HDLBP: variants seen among roughly 807,000 people sequenced by gnomAD.
HDLBP encodes high density lipoprotein binding protein.
Under a neutral mutation model 137.3 loss-of-function variants are expected in HDLBP, and 30 were observed. The observed-to-expected ratio is 0.22, with a 90% CI of 0.16 to 0.30. HDLBP has a LOEUF of 0.30. Ranked by LOEUF, HDLBP falls within the 10% of genes least tolerant of loss-of-function variation. The pLI is 1.00. For missense variants in HDLBP, 1,119 were observed against 1,667.3 expected (o/e 0.67, Z 5.73); for synonymous variants, 606 against 596.0 (o/e 1.02, Z -0.24).
chr2:241,253,577 C>A, intron 9 of HDLBP, 80 bp from the exon 10 acceptor site: 3 of 947,158 alleles, frequency 3.2e-6, no homozygotes, highest in Non-Finnish European at 1.7e-6. Context: ...GAGCTCTCTT[C>A]GGAGCGGCTT....
Position 241,310,080 on chromosome 2 carries a change from C to T in HDLBP, c.-103+5490G>A, listed in dbSNP as rs1357117000. Among the ~76,000 whole-genome samples the T allele has an allele frequency of 2.6e-5, 4 of 152,102 alleles. No individual in the cohort carries two copies. In the East Asian group the frequency reaches 7.7e-4, roughly 29 times the overall value. On this transcript the variant is annotated intron_variant, in intron 1 of 27. Coordinates refer to ENST00000310931, the MANE Select transcript of HDLBP (RefSeq NM_005336.6). ...AAAACCCACAACAAACCAGAGCAGC[C>T]TCAATAGTGACTTAAGGAAAAAGAA...
In HDLBP at chr2:241,229,879, C is replaced by A; in HGVS notation, c.3674G>T (p.Gly1225Val). The change falls in exon 27 of 28, where the codon GGC becomes GTC. Residue 1225 changes from glycine (G) to valine (V), a missense_variant. By Grantham distance (109) the Gly-to-Val change is moderately radical. Coordinates refer to ENST00000310931, the MANE Select transcript of HDLBP (RefSeq NM_005336.6). The stretch of plus-strand genomic sequence containing the variant: ...CCAGGGTGCGTCCCGCACCACAAAG[C>A]CTCTGGAAGGTGCCTTGGCCTCTTC... Reference protein sequence around the residue: ...AHEEAKAPSRGFVVRDAPWTA... With the variant: ...AHEEAKAPSRVFVVRDAPWTA... 1 of 1,589,560 alleles carries A rather than the reference C, an allele frequency of 6.3e-7. No individual in the cohort carries two copies.
At chr2:241,289,699 A>G (rs532168235) in intron 1 of HDLBP, among the ~76,000 whole-genome samples, 17 of 152,330 alleles carry the variant, frequency 1.1e-4, no homozygotes, top group Middle Eastern at 3.4e-3. Context: ...AAAGGCATCC[A>G]AGGACAGGAA....
intron 16 of HDLBP, chr2:241,243,470 A>G (rs1559493367): frequency 6.6e-6 from 1 of 152,608 alleles, no homozygotes; most frequent in Non-Finnish European, 1.5e-5. Flanking sequence ...CTTTTAGCTC[A>G]GTTGGAGCCT....
chr2:241,293,350 C>T (rs1204950169), intron 1 of HDLBP, among the ~76,000 whole-genome samples: 3 of 152,062 alleles, frequency 2.0e-5, no homozygotes, highest in African/African-American at 7.2e-5. Flanking sequence ...ATAAGAAAAG[C>T]CATGCATGAT....
At chr2:241,279,948 A>G (rs1481589926) in intron 1 of HDLBP, 5 of 985,332 alleles carry the variant, frequency 5.1e-6, no homozygotes, top group Admixed American at 6.1e-5. Flanking sequence ...ATCACCTGAC[A>G]GGAACCCGCT....
At chr2:241,257,728 T>C (rs182738855) in intron 5 of HDLBP, among the ~76,000 whole-genome samples, 3 of 152,240 alleles carry the variant, frequency 2.0e-5, no homozygotes, top group Non-Finnish European at 2.9e-5. Flanking sequence ...CAGTTGATTA[T>C]AAAGGTTGTA....
Position 241,263,574 on chromosome 2 carries a change from T to G in HDLBP, c.235-648A>C, listed in dbSNP as rs6747092. ...ACATTTAACAAAACCATTAACAAGA[T>G]AGCAGACAGGTGAAAATGGAAGGAT... On this transcript the variant is annotated intron_variant, in intron 4 of 27. Transcript: ENST00000310931. 7.2e-5 allele frequency among the ~76,000 whole-genome samples: 11 copies of G among 152,180 alleles called. 1 individual carries two copies. The highest frequency in any genetic ancestry group is 2.2e-4 in the African/African-American group (9 of 41,506).
chr2:241,311,808 A>G (rs918954507), intron 1 of HDLBP, among the ~76,000 whole-genome samples: 1 of 152,240 alleles, frequency 6.6e-6, no homozygotes, highest in African/African-American at 2.4e-5. Context: ...TAAACAATCA[A>G]TACTGAACTA....
At chr2:241,309,414 ATTT>A (rs1261686096) in intron 1 of HDLBP, among the ~76,000 whole-genome samples, 1 of 152,126 alleles carries the variant, frequency 6.6e-6, no homozygotes, top group East Asian at 1.9e-4. Context: ...ATAGTAAACG[ATTT>A]TTTCTTTTTT....
At chr2:241,296,236 A>G (rs62186408) in intron 1 of HDLBP, among the ~76,000 whole-genome samples, 48,291 of 152,072 alleles carry the variant, frequency 0.32, 8,407 homozygotes, top group East Asian at 0.51. Context: ...GTACCTGTGA[A>G]TTTATTATTT....
chr2:241,238,924 C>A lies in HDLBP; in HGVS notation c.2611-137G>T. ...CACAGATGCTCCCCTTCTCCCGAGT[C>A]CAGGGCTCCAGGCGCAGGGAGGAGG... On this transcript the variant is annotated intron_variant, in intron 19 of 27. Transcript: ENST00000310931. The surrounding 1 kb of genome is among the most constrained non-coding windows in gnomAD (Gnocchi z 4.9). 1 of 632,492 alleles carries A rather than the reference C, an allele frequency of 1.6e-6. No homozygotes were observed. The highest frequency in any genetic ancestry group is 2.9e-5 in the Admixed American group (1 of 34,540). 39.2% of individuals were successfully genotyped at this position (632,492 alleles called of 1,614,324 possible).
intron 1 of HDLBP, among the ~76,000 whole-genome samples, chr2:241,313,735 C>T (rs1466434894): frequency 2.6e-5 from 4 of 152,142 alleles, no homozygotes; most frequent in Non-Finnish European, 5.9e-5. Flanking sequence ...TGGAAAAATA[C>T]GTATTTACTC....
chr2:241,295,245 C>T (rs1448231418), intron 1 of HDLBP, among the ~76,000 whole-genome samples: 1 of 151,952 alleles, frequency 6.6e-6, no homozygotes, highest in East Asian at 1.9e-4. Context: ...CAATATTTCC[C>T]CAAAGTAACA....
chr2:241,233,778 C>A lies in HDLBP; in HGVS notation c.3288+42G>T, dbSNP rs201229744. On this transcript the variant is annotated intron_variant, in intron 24 of 27. Transcript: ENST00000310931. This position sits in a 1 kb window ranked among gnomAD's most constrained non-coding sequence, Gnocchi z 4.3. Reference sequence around the variant, plus strand: ...GCTCCCAAGTCACAGGAAAGGTCAACAAGCACCTCTGCCCCCGACACGCTC... The same window carrying A: ...GCTCCCAAGTCACAGGAAAGGTCAAAAAGCACCTCTGCCCCCGACACGCTC... The A allele has an allele frequency of 6.2e-7, 1 of 1,611,932 alleles. No individual in the cohort carries two copies. The highest frequency in any genetic ancestry group is 8.5e-7 in the Non-Finnish European group (1 of 1,179,132).
intron 1 of HDLBP, among the ~76,000 whole-genome samples, chr2:241,270,309 A>G (rs761716697): frequency 2.6e-5 from 4 of 152,190 alleles, no homozygotes; most frequent in Non-Finnish European, 5.9e-5. Flanking sequence ...GGCAGAAGGC[A>G]GACCTCCAGA....
intron 24 of HDLBP, among the ~76,000 whole-genome samples, chr2:241,232,917 G>A (rs1195262723): frequency 1.3e-5 from 2 of 152,026 alleles, no homozygotes; most frequent in Admixed American, 6.5e-5. Context: ...GTGCAGGAGG[G>A]CCCTCCTGGC....
intron 1 of HDLBP, among the ~76,000 whole-genome samples, chr2:241,293,532 A>G (rs1037370423): frequency 3.3e-5 from 5 of 151,760 alleles, no homozygotes; most frequent in African/African-American, 1.2e-4. Flanking sequence ...AGATCGCCTG[A>G]GCCCAGGAGG....
At position 241,230,004 on chromosome 2, in the gene HDLBP, C is replaced by G. The variant is rs1427799398; in HGVS notation, c.3592-43G>C. ...GAAGACAGGGTCAGTCTGCCCAGCA[C>G]CCCCAGCATCCCGCCCGCCTGCTCA... On this transcript the variant is annotated intron_variant, in intron 26 of 27. Transcript: ENST00000310931. The surrounding 1 kb of genome is among the most constrained non-coding windows in gnomAD (Gnocchi z 5.0). 1.3e-6 allele frequency: 2 copies of G among 1,555,736 alleles called. No homozygotes were observed. Among genetic ancestry groups the G allele is most frequent in the South Asian group, 2.4e-5 (2 of 81,830 alleles).
Sources: allele counts gnomAD v4.1 joint callset (sites outside exome capture counted in the v4.1 genomes callset), GRCh38; gene constraint gnomAD v4.1.1; non-coding constraint Gnocchi (gnomAD v3.1); transcripts MANE v1.5; gene names NCBI Gene and HGNC (gene_info 2026-07-23, HGNC 2026-07-21).